Variants in TBC1D22B observed in about 807,000 individuals in gnomAD.
TBC1D22B encodes the protein chromosome 6 open reading frame 197.
Under a neutral mutation model 69.1 loss-of-function variants are expected in TBC1D22B, and 32 were observed. The observed-to-expected ratio is 0.46, with a 90% CI of 0.35 to 0.62. The LOEUF is 0.62. Among genes scored for constraint, TBC1D22B ranks in the 20% least tolerant of loss-of-function variants. The pLI is 0.00. For missense variants in TBC1D22B, 462 were observed against 630.9 expected (o/e 0.73, Z 2.87); for synonymous variants, 206 against 229.8 (o/e 0.90, Z 0.94).
intron 8 of TBC1D22B, among the ~76,000 whole-genome samples, chr6:37,308,154 A>G (rs939300950): frequency 2.0e-5 from 3 of 152,332 alleles, no homozygotes; most frequent in African/African-American, 4.8e-5. Context: ...TAAAATAGCC[A>G]TAAAATATCC....
chr6:37,275,258 A>G (rs1766632702), intron 2 of TBC1D22B, among the ~76,000 whole-genome samples: 1 of 152,190 alleles, frequency 6.6e-6, no homozygotes, highest in Non-Finnish European at 1.5e-5. Flanking sequence ...CAAGGAGCCC[A>G]TGCCTAGATG....
At chr6:37,294,810 C>A (rs1421626970) in intron 8 of TBC1D22B, among the ~76,000 whole-genome samples, 3 of 152,152 alleles carry the variant, frequency 2.0e-5, no homozygotes, top group Non-Finnish European at 4.4e-5. Flanking sequence ...CACCTGAGAG[C>A]TCTGATGGAA....
At position 37,316,607 on chromosome 6, in the gene TBC1D22B, G is replaced by T. The variant is rs372449710; in HGVS notation, c.1166-96G>T. 2.1e-6 allele frequency: 3 copies of T among 1,428,100 alleles called. 1 individual carries two copies. Among genetic ancestry groups the T allele is most frequent in the South Asian group, 2.4e-5 (2 of 84,086 alleles). The allele number at this position is 1,428,100 out of a possible 1,614,324, so 88.5% of individuals were successfully genotyped here. A position where few individuals can be genotyped will look rare whatever the true frequency, so the allele number is the denominator to read the frequency against. ...CCTCTGTGTCTGCTTACCCATGGGA[G>T]GGGGCAGTAAGAAGTGGGAGCTGCT... On this transcript the variant is annotated intron_variant, in intron 10 of 12. Coordinates refer to ENST00000373491, the MANE Select transcript of TBC1D22B (RefSeq NM_017772.4).
chr6:37,283,588 G>C (rs1241003584), intron 5 of TBC1D22B, among the ~76,000 whole-genome samples: 1 of 152,220 alleles, frequency 6.6e-6, no homozygotes, highest in Non-Finnish European at 1.5e-5. Flanking sequence ...TCAAGAAGAA[G>C]GGTCTGTCTC....
intron 8 of TBC1D22B, among the ~76,000 whole-genome samples, chr6:37,293,320 G>A (rs1379700615): frequency 2.6e-5 from 4 of 151,842 alleles, no homozygotes; most frequent in African/African-American, 9.7e-5. Flanking sequence ...CTCGTGATCC[G>A]CCCACCTCGG....
At chr6:37,312,836 C>A in intron 8 of TBC1D22B, 82 bp from the exon 9 acceptor site, 1 of 1,162,710 alleles carries the variant, frequency 8.6e-7, no homozygotes, top group Non-Finnish European at 1.3e-6. Flanking sequence ...CCTTAAAGAC[C>A]CCATTGAAGA....
chr6:37,303,583 C>T (rs113498768), intron 8 of TBC1D22B, among the ~76,000 whole-genome samples: 2 of 152,300 alleles, frequency 1.3e-5, no homozygotes, highest in African/African-American at 4.8e-5. Context: ...CCACAGAACT[C>T]CTCTGACAAA....
intron 12 of TBC1D22B, among the ~76,000 whole-genome samples, chr6:37,317,569 G>A (rs57300303): frequency 0.032 from 4,833 of 152,242 alleles, 243 homozygotes; most frequent in African/African-American, 0.11. Context: ...TAAAGCTTAC[G>A]TACTCTGATA....
At chr6:37,304,888 A>G (rs1767663556) in intron 8 of TBC1D22B, among the ~76,000 whole-genome samples, 1 of 152,252 alleles carries the variant, frequency 6.6e-6, no homozygotes. Context: ...ATGGATAGAA[A>G]CAAAGCAAGA....
intron 7 of TBC1D22B, among the ~76,000 whole-genome samples, chr6:37,289,760 A>G (rs1350424557): frequency 6.6e-6 from 1 of 152,228 alleles, no homozygotes; most frequent in Non-Finnish European, 1.5e-5. Context: ...CCTGAAAACG[A>G]TGGTTCTAGC....
intron 1 of TBC1D22B, among the ~76,000 whole-genome samples, chr6:37,266,486 G>A (rs1368367714): frequency 1.5e-5 from 2 of 132,560 alleles, no homozygotes; most frequent in East Asian, 4.6e-4. Flanking sequence ...TTTTGAGACG[G>A]AGTCTTGCTC....
rs774552787 is a variant in TBC1D22B, at chr6:37,316,692, T to A, written c.1166-11T>A. The A allele has an allele frequency of 6.2e-7, 1 of 1,614,122 alleles. No individual in the cohort carries two copies. Among genetic ancestry groups the A allele is most frequent in the Admixed American group, 1.7e-5 (1 of 60,022 alleles). On this transcript the variant is annotated splice_polypyrimidine_tract_variant and intron_variant, in intron 10 of 12. Coordinates refer to ENST00000373491, the MANE Select transcript of TBC1D22B (RefSeq NM_017772.4). ...CCCTAGGTTGATCCCCAATGATGCTTCCTGTTTCAGAGCAGGTACATAATC... is the reference window on the plus strand; with the variant it reads ...CCCTAGGTTGATCCCCAATGATGCTACCTGTTTCAGAGCAGGTACATAATC...
chr6:37,261,226 G>T (rs1426307939), intron 1 of TBC1D22B, among the ~76,000 whole-genome samples: 2 of 152,006 alleles, frequency 1.3e-5, no homozygotes, highest in African/African-American at 4.8e-5. Context: ...GAGGCCAGGA[G>T]TCCGAGACCA....
At position 37,279,347 on chromosome 6, in the gene TBC1D22B, A is replaced by C. The variant is rs948870437; in HGVS notation, c.157A>C (p.Asn53His). Residue 53 changes from asparagine to histidine, a missense_variant, in exon 3 of 13, where the codon AAT (asparagine) becomes CAT (histidine). By Grantham distance (68) the Asn-to-His change is moderately conservative. Transcript: ENST00000373491. ...AAAAGTCAACACAGTTCCTCTGAAG[A>C]ATAAGAAGGCCTCCAGTTTTCATGA... ...RSKVNTVPLK[N>H]KKASSFHEFA... 1 of 1,613,058 alleles carries C rather than the reference A, an allele frequency of 6.2e-7. No homozygotes were observed. Among genetic ancestry groups the C allele is most frequent in the Admixed American group, 1.7e-5 (1 of 59,782 alleles).
intron 7 of TBC1D22B, among the ~76,000 whole-genome samples, chr6:37,289,731 AG>A (rs1372499768): frequency 2.6e-5 from 4 of 152,364 alleles, no homozygotes; most frequent in Admixed American, 2.0e-4. Flanking sequence ...AGAGTGAGGC[AG>A]GGAATTATTG....
At chr6:37,299,338 G>A (rs1767494451) in intron 8 of TBC1D22B, among the ~76,000 whole-genome samples, 1 of 151,820 alleles carries the variant, frequency 6.6e-6, no homozygotes. Context: ...AAAAATATTA[G>A]GTTGAATCAT....
At chr6:37,265,104 C>G (rs1430945043) in intron 1 of TBC1D22B, among the ~76,000 whole-genome samples, 1 of 152,210 alleles carries the variant, frequency 6.6e-6, no homozygotes, top group Admixed American at 6.5e-5. Flanking sequence ...TTAGATACAT[C>G]ATGGTTCAGT....
chr6:37,294,975 A>G (rs958149822), intron 8 of TBC1D22B, among the ~76,000 whole-genome samples: 1 of 152,250 alleles, frequency 6.6e-6, no homozygotes, highest in Non-Finnish European at 1.5e-5. Context: ...CTTGAGATGG[A>G]ATCTACTCCT....
chr6:37,300,509 C>T (rs1767532782), intron 8 of TBC1D22B, among the ~76,000 whole-genome samples: 1 of 152,034 alleles, frequency 6.6e-6, no homozygotes, highest in Non-Finnish European at 1.5e-5. Context: ...CTACAGGCAT[C>T]GCCACTATGC....
Sources: allele counts gnomAD v4.1 joint callset (sites outside exome capture counted in the v4.1 genomes callset), GRCh38; gene constraint gnomAD v4.1.1; transcripts MANE v1.5; gene names NCBI Gene and HGNC (gene_info 2026-07-23, HGNC 2026-07-21).